Variants in CDKL5 observed in about 807,000 individuals in gnomAD.
The protein encoded by CDKL5 is cyclin-dependent kinase-like 5.
Under a neutral mutation model 61.7 loss-of-function variants are expected in CDKL5, and 8 were observed. The ratio of observed to expected loss-of-function variants is 0.13; its 90% CI spans 0.08 to 0.23. The LOEUF (loss-of-function observed/expected upper bound fraction) is 0.23. Among genes scored for constraint, CDKL5 ranks in the 10% least tolerant of loss-of-function variants. The pLI is 1.00. For synonymous variants in CDKL5, 275 were observed against 272.3 expected, an observed-to-expected ratio of 1.01 and a Z score of -0.10; for missense variants, 440 against 734.5, an observed-to-expected ratio of 0.60 and a Z score of 4.63.
intron 7 of CDKL5, among the ~76,000 whole-genome samples, chrX:18,583,287 G>A (rs1309988729): frequency 9.0e-6 from 1 of 111,142 alleles, no homozygotes; most frequent in African/African-American, 3.3e-5. Flanking sequence ...CACCACATGC[G>A]GTATCCTGTG....
At chrX:18,431,423 C>CTTTTTTTTTTTTTT (rs1177063856) in intron 1 of CDKL5, among the ~76,000 whole-genome samples, 2 of 95,530 alleles carry the variant, frequency 2.1e-5, no homozygotes, top group Non-Finnish European at 4.3e-5. Context: ...GATTTCTTTT[C>CTTTTTTTTTTTTTT]TTTTTTTTTT....
chrX:18,622,133 T>G (rs1341273369), intron 16 of CDKL5, among the ~76,000 whole-genome samples: 4 of 112,083 alleles, frequency 3.6e-5, no homozygotes, highest in African/African-American at 1.3e-4. Flanking sequence ...ACAAGTAGAG[T>G]ATACATGTTG....
At chrX:18,498,579 C>A (rs1010549124) in intron 1 of CDKL5, among the ~76,000 whole-genome samples, 5 of 111,682 alleles carry the variant, frequency 4.5e-5, no homozygotes, top group African/African-American at 1.6e-4. Context: ...TCAATTTCCT[C>A]CTTAAGCATT....
chrX:18,522,862 C>T (rs1258461433), intron 3 of CDKL5, among the ~76,000 whole-genome samples: 1 of 89,373 alleles, frequency 1.1e-5, no homozygotes, highest in Non-Finnish European at 2.1e-5. Context: ...GTAGTGTGAT[C>T]TCGGCTCACT....
intron 1 of CDKL5, among the ~76,000 whole-genome samples, chrX:18,470,378 G>GA (rs1156261679): frequency 7.0e-4 from 34 of 48,406 alleles, no homozygotes; most frequent in South Asian, 9.4e-4. Flanking sequence ...AAGAAGAAAA[G>GA]AAAAAAAAAA....
chrX:18,518,798 C>CT (rs373457561), intron 3 of CDKL5, among the ~76,000 whole-genome samples: 25 of 102,196 alleles, frequency 2.4e-4, no homozygotes, highest in Admixed American at 6.4e-4. Flanking sequence ...AAACCTTTCC[C>CT]TTTTTTTTTT....
At chrX:18,503,269 C>T (rs767569350) in intron 1 of CDKL5, among the ~76,000 whole-genome samples, 12 of 112,328 alleles carry the variant, frequency 1.1e-4, no homozygotes, top group African/African-American at 1.9e-4. Flanking sequence ...CTGCAGCCTC[C>T]GCTTCCCGGG....
intron 8 of CDKL5, among the ~76,000 whole-genome samples, chrX:18,586,552 A>G (rs190704983): frequency 1.8e-5 from 2 of 112,281 alleles, no homozygotes; most frequent in East Asian, 2.8e-4. Flanking sequence ...TATGGGGACA[A>G]TGTAACTAAA....
chrX:18,443,941 A>G (rs1281228272), intron 1 of CDKL5: 1 of 111,885 alleles, frequency 8.9e-6, no homozygotes, highest in East Asian at 2.8e-4. Context: ...CAGTCAGTTT[A>G]GTTGTAATTT....
At position 18,581,882 on chromosome X, in the gene CDKL5, A is replaced by G. The variant is rs1037467164; in HGVS notation, c.404-9A>G. The G allele has an allele frequency of 2.6e-6, 3 of 1,157,948 alleles. No individual in the cohort carries two copies. The East Asian group carries it at 9.0e-5, about 35-fold the overall frequency. On this transcript the variant is annotated splice_polypyrimidine_tract_variant and intron_variant, in intron 6 of 17. Coordinates refer to ENST00000623535, the MANE Select transcript of CDKL5 (RefSeq NM_001323289.2). ...TTTTACTAATTTTTTTTTTATCTTG[A>G]CACTCCAGATATAAAACCAGAAAAT...
chrX:18,648,171 A>C (rs1409131476), intron 20 of CDKL5, among the ~76,000 whole-genome samples: 1 of 111,087 alleles, frequency 9.0e-6, no homozygotes, highest in Non-Finnish European at 1.9e-5. Flanking sequence ...CTGCAGTGGC[A>C]GGCACAGTGT....
At chrX:18,652,238 A>G (rs897293305) in intron 21 of CDKL5, among the ~76,000 whole-genome samples, 3 of 111,967 alleles carry the variant, frequency 2.7e-5, no homozygotes, top group African/African-American at 6.5e-5. Flanking sequence ...GGACAAGCAT[A>G]GGAAATGGCA....
Position 18,633,901 on chromosome X carries a change from C to T in CDKL5, c.*5144C>T, listed in dbSNP as rs1266622721. 1 of 751,680 alleles carries T rather than the reference C, an allele frequency of 1.3e-6. No homozygotes were observed. The highest frequency in any genetic ancestry group is 2.3e-5 in the African/African-American group (1 of 42,966). 61.9% of individuals were successfully genotyped at this position (751,680 alleles called of 1,213,427 possible). A position where few individuals can be genotyped will look rare whatever the true frequency, so the allele number is the denominator to read the frequency against. On this transcript the variant is annotated 3_prime_UTR_variant, in exon 18 of 18. Transcript: ENST00000623535. ...TAGGCTATTAAATATGATCATGACC[C>T]GCCTTGCATTTTCATTCATCACCTG...
chrX:18,651,058 C>T (rs1423905404), intron 21 of CDKL5, among the ~76,000 whole-genome samples: 2 of 110,335 alleles, frequency 1.8e-5, no homozygotes, highest in Non-Finnish European at 3.8e-5. Context: ...GGCAAAGACT[C>T]AATAGGGAGG....
chrX:18,446,449 T>C (rs1452133801), intron 1 of CDKL5, among the ~76,000 whole-genome samples: 9 of 111,987 alleles, frequency 8.0e-5, no homozygotes, highest in Non-Finnish European at 1.3e-4. Flanking sequence ...AAAGTTCTTT[T>C]GGACATTGAT....
chrX:18,543,068 C>T (rs758042208), intron 3 of CDKL5, among the ~76,000 whole-genome samples: 2 of 110,794 alleles, frequency 1.8e-5, no homozygotes, highest in Non-Finnish European at 3.8e-5. Context: ...CTAACAGTGC[C>T]GCCTGCTTTC....
chrX:18,480,377 A>G (rs1373332123), intron 1 of CDKL5, among the ~76,000 whole-genome samples: 1 of 112,092 alleles, frequency 8.9e-6, no homozygotes, highest in East Asian at 2.8e-4. Context: ...ATCACATCGT[A>G]TCAAAGGGAC....
chrX:18,479,580 A>G (rs1324607607), intron 1 of CDKL5, among the ~76,000 whole-genome samples: 6 of 110,055 alleles, frequency 5.5e-5, no homozygotes, highest in African/African-American at 2.0e-4. Flanking sequence ...CGGCCTCCCA[A>G]AGTGCTGGGA....
chrX:18,594,422 G>T (rs771469173), intron 9 of CDKL5, among the ~76,000 whole-genome samples: 1 of 112,007 alleles, frequency 8.9e-6, no homozygotes, highest in Non-Finnish European at 1.9e-5. Flanking sequence ...TTTGTCTTCG[G>T]TTCCAACTTT....
Sources: gnomAD v4.1 joint callset for allele counts (sites outside exome capture counted in the v4.1 genomes callset) on GRCh38, gnomAD v4.1.1 for gene constraint, MANE v1.5 for transcripts, NCBI Gene and HGNC (gene_info 2026-07-23, HGNC 2026-07-21) for gene names.